The following SBF2 variants were observed in gnomAD, a reference collection of about 807,000 sequenced individuals.
The protein encoded by SBF2 is myotubularin-related protein 13.
Under a neutral mutation model 225.2 loss-of-function variants are expected in SBF2, and 112 were observed. The observed-to-expected ratio is 0.50, with a 90% CI of 0.43 to 0.58. The LOEUF (loss-of-function observed/expected upper bound fraction) is 0.58. SBF2 is among the 20% of genes least tolerant of loss of function. The pLI is 0.00. For missense variants in SBF2, 1,996 were observed against 2,206.2 expected, an observed-to-expected ratio of 0.90 and a Z score of 1.91; for synonymous variants, 763 against 773.3, an observed-to-expected ratio of 0.99 and a Z score of 0.22.
intron 38 of SBF2, among the ~76,000 whole-genome samples, chr11:9,782,448 A>G (rs1188556452): frequency 6.6e-6 from 1 of 152,242 alleles, no homozygotes; most frequent in Non-Finnish European, 1.5e-5. Context: ...AATATTAAAA[A>G]TGGCTGATGA....
intron 1 of SBF2, among the ~76,000 whole-genome samples, chr11:10,235,308 G>A (rs1959021604): frequency 6.6e-6 from 1 of 152,232 alleles, no homozygotes; most frequent in Non-Finnish European, 1.5e-5. Context: ...GCCAAGGCAG[G>A]TGGATCACCT....
chr11:10,047,360 T>C (rs192350030), intron 2 of SBF2, among the ~76,000 whole-genome samples: 1 of 152,204 alleles, frequency 6.6e-6, no homozygotes, highest in African/African-American at 2.4e-5. Context: ...CTACCAAACT[T>C]TGAGACCTAC....
chr11:9,807,522 G>C (rs759945235), intron 32 of SBF2, among the ~76,000 whole-genome samples: 2 of 152,178 alleles, frequency 1.3e-5, no homozygotes, highest in Non-Finnish European at 2.9e-5. Context: ...ATGTACCACA[G>C]TTTCTCCATG....
At chr11:9,869,632 C>A (rs1473821829) in intron 17 of SBF2, among the ~76,000 whole-genome samples, 3 of 152,088 alleles carry the variant, frequency 2.0e-5, no homozygotes, top group Non-Finnish European at 4.4e-5. Context: ...GCAGAAAAGA[C>A]CTTTGATAAA....
At chr11:9,821,788 T>C (rs934695664) in intron 28 of SBF2, among the ~76,000 whole-genome samples, 5 of 152,250 alleles carry the variant, frequency 3.3e-5, no homozygotes, top group African/African-American at 9.6e-5. Context: ...GTATACATTA[T>C]ACATTTTGCA....
intron 2 of SBF2, among the ~76,000 whole-genome samples, chr11:10,167,947 G>A (rs1488212846): frequency 6.6e-6 from 1 of 152,246 alleles, no homozygotes; most frequent in Non-Finnish European, 1.5e-5. Flanking sequence ...GAGTCCCGGA[G>A]GTGGAGGTTG....
chr11:10,072,474 AT>A lies in SBF2; in HGVS notation c.142-29494del, dbSNP rs71453946. On this transcript the variant is annotated intron_variant, in intron 2 of 39. Transcript: ENST00000256190. ...AGGAAACAGTTGAAGATATACTTCT[AT>A]TTTTTTTTTCAATTAAAATTGACAA... Among the ~76,000 whole-genome samples, 1,343 of 149,490 alleles carry A rather than the reference AT, an allele frequency of 9.0e-3. 8 individuals are homozygous for A. The highest frequency in any genetic ancestry group is 0.021 in the Middle Eastern group (6 of 290).
At chr11:9,814,052 C>A (rs972080930) in intron 29 of SBF2, among the ~76,000 whole-genome samples, 4 of 152,042 alleles carry the variant, frequency 2.6e-5, no homozygotes, top group African/African-American at 9.7e-5. Flanking sequence ...TGAGTACTTT[C>A]TCATTTACAT....
intron 26 of SBF2, chr11:9,839,258 C>T (rs1855938300): frequency 1.9e-6 from 1 of 517,732 alleles, no homozygotes; most frequent in South Asian, 2.1e-5. Context: ...AAGAGAAAGA[C>T]AAGAGAAATT....
intron 1 of SBF2, among the ~76,000 whole-genome samples, chr11:10,243,681 T>C (rs901835009): frequency 1.3e-5 from 2 of 152,070 alleles, no homozygotes; most frequent in African/African-American, 2.4e-5. Context: ...TACAATTATA[T>C]GCCAACAAAT....
intron 6 of SBF2, among the ~76,000 whole-genome samples, chr11:10,009,647 T>A (rs1389553764): frequency 6.6e-6 from 1 of 152,376 alleles, no homozygotes; most frequent in African/African-American, 2.4e-5. Context: ...ATTTTCTTTA[T>A]CCAGTCTATC....
intron 6 of SBF2, among the ~76,000 whole-genome samples, chr11:10,012,172 GT>G (rs1255249058): frequency 4.6e-5 from 7 of 152,152 alleles, no homozygotes; most frequent in African/African-American, 1.7e-4. Flanking sequence ...TTGAGAAAGG[GT>G]CTTACTCTGT....
chr11:9,832,470 G>A (rs954901245), intron 26 of SBF2, 50 bp from the exon 27 acceptor site: 2 of 1,302,176 alleles, frequency 1.5e-6, no homozygotes, highest in African/African-American at 2.9e-5. Flanking sequence ...AGGAACAGAG[G>A]GGAAGAAAAG....
At chr11:9,980,702 C>T (rs370635911) in intron 13 of SBF2, among the ~76,000 whole-genome samples, 4 of 152,120 alleles carry the variant, frequency 2.6e-5, no homozygotes, top group East Asian at 3.9e-4. Context: ...CCTCAGCCTC[C>T]GGAGTTACTG....
At chr11:9,784,224 A>G in intron 38 of SBF2, 127 bp downstream of exon 38, 1 of 750,012 alleles carries the variant, frequency 1.3e-6, no homozygotes, top group Non-Finnish European at 2.4e-6. Context: ...CCTCCAGACT[A>G]CATATGAGAG....
At chr11:9,916,657 G>C (rs975342690) in intron 16 of SBF2, among the ~76,000 whole-genome samples, 3 of 150,234 alleles carry the variant, frequency 2.0e-5, no homozygotes, top group Non-Finnish European at 4.4e-5. Context: ...GAGTGCAGTG[G>C]TGCAGTCATG....
intron 9 of SBF2, 83 bp downstream of exon 9, chr11:9,998,183 C>G: frequency 5.0e-6 from 4 of 803,064 alleles, no homozygotes; most frequent in Non-Finnish European, 8.6e-6. Context: ...TAACAAACTG[C>G]ATTGACAAAC....
intron 1 of SBF2, among the ~76,000 whole-genome samples, chr11:10,233,873 C>G (rs756078727): frequency 5.2e-4 from 79 of 152,288 alleles, no homozygotes; most frequent in Non-Finnish European, 9.7e-4. Context: ...TACTCTTGGT[C>G]TCCCTACTGG....
chr11:9,872,019 C>T (rs1484469183), intron 17 of SBF2, among the ~76,000 whole-genome samples: 1 of 152,100 alleles, frequency 6.6e-6, no homozygotes, highest in Non-Finnish European at 1.5e-5. Context: ...TACATGCATG[C>T]ATATGTTCAT....
Sources: gnomAD v4.1 joint callset for allele counts (sites outside exome capture counted in the v4.1 genomes callset) on GRCh38, gnomAD v4.1.1 for gene constraint, MANE v1.5 for transcripts, NCBI Gene and HGNC (gene_info 2026-07-23, HGNC 2026-07-21) for gene names.